The following NANOS3 variants were observed in gnomAD, a reference collection of about 807,000 sequenced individuals.
NANOS3 encodes nanos C2HC-type zinc finger 3.
NANOS3 carries 11 observed loss-of-function variants against 13.8 expected under a neutral mutation model. The observed-to-expected ratio is 0.80, with a 90% CI of 0.50 to 1.32. The LOEUF (loss-of-function observed/expected upper bound fraction) is 1.32. Among genes scored for constraint, NANOS3 ranks in the 40% most tolerant of loss-of-function variants. The pLI, the probability that NANOS3 is intolerant of heterozygous loss-of-function variation, is 0.00. For missense variants in NANOS3, 221 were observed against 263.8 expected (o/e 0.84, Z 1.12); for synonymous variants, 119 against 115.4 (o/e 1.03, Z -0.20).
chr19:13,875,192 T>TCCCCC (rs1360359390), upstream of NANOS3, among the ~76,000 whole-genome samples: 2 of 151,538 alleles, frequency 1.3e-5, no homozygotes, highest in South Asian at 2.1e-4. Flanking sequence ...AATCCCCTTT[T>TCCCCC]TTTTTTTTTT....
chr19:13,873,228 G>T (rs1968431207), upstream of NANOS3, among the ~76,000 whole-genome samples: 1 of 150,736 alleles, frequency 6.6e-6, no homozygotes, highest in African/African-American at 2.4e-5. Context: ...AAGGGGCAGG[G>T]CCTGGGCTGG....
At position 13,880,592 on chromosome 19, in the gene NANOS3, C is replaced by T; in HGVS notation, c.*89C>T. The T allele has an allele frequency of 1.1e-5, 12 of 1,101,784 alleles. No individual in the cohort carries two copies. The highest frequency in any genetic ancestry group is 1.7e-5 in the Non-Finnish European group (12 of 725,418). 68.3% of individuals were successfully genotyped at this position (1,101,784 alleles called of 1,614,324 possible). On this transcript the variant is annotated 3_prime_UTR_variant, in exon 2 of 2. Transcript: ENST00000339133. ...ATGACGACTGCCCCCACTCCCAGAC[C>T]CTCCCCCCAGCCTGGGATTGAGCCC...
intron 1 of NANOS3, among the ~76,000 whole-genome samples, chr19:13,866,412 C>T (rs934578813): frequency 6.6e-6 from 1 of 152,062 alleles, no homozygotes; most frequent in African/African-American, 2.4e-5. Flanking sequence ...TTAAGCCAGC[C>T]ACGATTAGAT....
rs1474673832 is a variant in NANOS3, at chr19:13,868,671, C to A, written n.21+3234C>A. 2.2e-5 allele frequency among the ~76,000 whole-genome samples: 3 copies of A among 137,648 alleles called. No homozygotes were observed. The East Asian group carries it at 6.7e-4, about 31-fold the overall frequency. 90.3% of individuals were successfully genotyped at this position (137,648 alleles called of 152,430 possible). ...CACTCTAGCCTGGGTGACAGCGAGACCTAGTCTCTTTTAAAAAAAAAAAAA... is the reference window on the plus strand; with the variant it reads ...CACTCTAGCCTGGGTGACAGCGAGAACTAGTCTCTTTTAAAAAAAAAAAAA... On this transcript the variant is annotated intron_variant and non_coding_transcript_variant, in intron 1 of 2. Transcript: ENST00000591161.
upstream of NANOS3, chr19:13,865,294 C>CG (rs946225728): frequency 3.9e-4 from 57 of 146,346 alleles, no homozygotes; most frequent in African/African-American, 1.3e-3. Flanking sequence ...CCCCTCCCCC[C>CG]CCCCGCCCAC....
At chr19:13,862,490 G>T (rs1345535952), upstream of NANOS3, among the ~76,000 whole-genome samples, 1 of 151,296 alleles carries the variant, frequency 6.6e-6, no homozygotes. Context: ...GAGAAGAGAC[G>T]GGGGGAAAGG....
chr19:13,880,124 A>G (rs994950154), intron 1 of NANOS3, among the ~76,000 whole-genome samples: 1 of 152,180 alleles, frequency 6.6e-6, no homozygotes, highest in Non-Finnish European at 1.5e-5. Context: ...GGCCAAAAGG[A>G]CATAGGGAAG....
At position 13,878,824 on chromosome 19, in the gene NANOS3, C is replaced by T. The variant is rs191874015; in HGVS notation, c.517+1059C>T. Among the ~76,000 whole-genome samples the T allele has an allele frequency of 5.0e-3, 753 of 151,822 alleles. 2 individuals carry two copies. The highest frequency in any genetic ancestry group is 0.011 in the African/African-American group (445 of 41,398). On this transcript the variant is annotated intron_variant, in intron 1 of 1. Coordinates refer to ENST00000339133, the MANE Select transcript of NANOS3 (RefSeq NM_001098622.3). ...TAGAAACAGGGTCTTACTATGTTTC[C>T]CAGGCCGGTCTCAAACACGGCTTAG...
upstream of NANOS3, among the ~76,000 whole-genome samples, chr19:13,863,471 G>A (rs1048589262): frequency 6.6e-6 from 1 of 152,140 alleles, no homozygotes; most frequent in Non-Finnish European, 1.5e-5. Context: ...TCCTGCCTCG[G>A]CCTCCCAAAG....
At chr19:13,874,939 G>A, upstream of NANOS3, 3 of 531,816 alleles carry the variant, frequency 5.6e-6, no homozygotes, top group Non-Finnish European at 1.2e-5. Flanking sequence ...GGGTTGTGAG[G>A]ACTGAGGCCA....
chr19:13,878,055 C>T (rs140149237), intron 1 of NANOS3, among the ~76,000 whole-genome samples: 13 of 151,650 alleles, frequency 8.6e-5, no homozygotes, highest in African/African-American at 3.2e-4. Flanking sequence ...ATTATAGGCG[C>T]GCGCCACCAC....
intron 1 of NANOS3, among the ~76,000 whole-genome samples, chr19:13,870,937 C>T (rs534768075): frequency 6.6e-6 from 1 of 151,886 alleles, no homozygotes; most frequent in Non-Finnish European, 1.5e-5. Flanking sequence ...AGCTCCCCTG[C>T]CCAGAAAGAC....
upstream of NANOS3, among the ~76,000 whole-genome samples, chr19:13,872,344 CAAAAA>C (rs34571178): frequency 3.3e-5 from 4 of 121,720 alleles, no homozygotes; most frequent in Non-Finnish European, 5.1e-5. Flanking sequence ...GACTCCATCT[CAAAAA>C]AAAAAAAAAA....
upstream of NANOS3, chr19:13,865,297 C>CCA (rs1555720600): frequency 1.2e-4 from 18 of 145,912 alleles, no homozygotes; most frequent in African/African-American, 4.2e-4. Flanking sequence ...CTCCCCCCCC[C>CCA]CGCCCACGGC....
upstream of NANOS3, among the ~76,000 whole-genome samples, chr19:13,872,300 G>A (rs542014835): frequency 5.6e-4 from 84 of 149,720 alleles, no homozygotes; most frequent in Middle Eastern, 3.4e-3. Context: ...GGCAGAGATC[G>A]CGCCACTGCA....
At chr19:13,870,626 G>A (rs912360032) in intron 1 of NANOS3, among the ~76,000 whole-genome samples, 8 of 143,920 alleles carry the variant, frequency 5.6e-5, no homozygotes, top group Non-Finnish European at 4.5e-5. Flanking sequence ...GGAGTGCAGT[G>A]GCTCAATCTC....
At chr19:13,873,289 T>TCTCGGGGGCGCGTC (rs1195331131), upstream of NANOS3, among the ~76,000 whole-genome samples, 4 of 143,674 alleles carry the variant, frequency 2.8e-5, no homozygotes, top group Non-Finnish European at 6.0e-5. Context: ...GGGGCGGGGC[T>TCTCGGGGGCGCGTC]CTCGGGGGCG....
At chr19:13,878,555 G>A (rs1022414885) in intron 1 of NANOS3, among the ~76,000 whole-genome samples, 33 of 151,744 alleles carry the variant, frequency 2.2e-4, no homozygotes, top group East Asian at 3.9e-4. Flanking sequence ...TATTATAGAT[G>A]CAGAAAGAAG....
In NANOS3 at chr19:13,877,670, A is replaced by G. The variant is rs773890596; in HGVS notation, c.422A>G (p.His141Arg). ...CAGGGCTACACCTCCGTCTACAGCC[A>G]CACCACCCGAAACTCGGCAGGCAAG... ...TGQGYTSVYS[H>R]TTRNSAGKKL... Residue 141 changes from histidine (H) to arginine (R), a missense_variant, in exon 1 of 2, where the codon CAC becomes CGC. Coordinates refer to ENST00000339133, the MANE Select transcript of NANOS3 (RefSeq NM_001098622.3). The G allele has an allele frequency of 3.1e-6, 5 of 1,612,176 alleles. No homozygotes were observed. The highest frequency in any genetic ancestry group is 3.4e-6 in the Non-Finnish European group (4 of 1,179,926).
Sources: gnomAD v4.1 joint callset for allele counts (sites outside exome capture counted in the v4.1 genomes callset) on GRCh38, gnomAD v4.1.1 for gene constraint, MANE v1.5 for transcripts, NCBI Gene and HGNC (gene_info 2026-07-23, HGNC 2026-07-21) for gene names.